Variants in CTCF observed in about 807,000 individuals in gnomAD.
CTCF encodes the protein CCCTC-binding factor, also known as transcriptional repressor CTCF.
In CTCF, 7 loss-of-function variants were observed where a neutral mutation model predicts 72.3. That is an observed-to-expected ratio of 0.10 (90% CI 0.06 to 0.18). The LOEUF (loss-of-function observed/expected upper bound fraction) is 0.18, where lower values mean the gene tolerates loss of function less well. CTCF is among the 10% of genes least tolerant of loss of function. CTCF has a pLI of 1.00. For synonymous variants in CTCF, 374 were observed against 315.8 expected, an observed-to-expected ratio of 1.18 and a Z score of -1.95; for missense variants, 516 against 949.1, an observed-to-expected ratio of 0.54 and a Z score of 6.00.
intron 2 of CTCF, among the ~76,000 whole-genome samples, chr16:67,599,193 G>A (rs770110297): frequency 1.4e-4 from 21 of 152,246 alleles, no homozygotes; most frequent in Admixed American, 3.9e-4. Context: ...TCAGGAGATC[G>A]AGACCATCCT....
chr16:67,619,298 T>C (rs550130030), intron 5 of CTCF, among the ~76,000 whole-genome samples: 3 of 152,200 alleles, frequency 2.0e-5, no homozygotes, highest in East Asian at 3.9e-4. Flanking sequence ...TAGCCAGGCC[T>C]GGTGGCGTGC....
chr16:67,602,056 G>C (rs1431890812), intron 2 of CTCF, among the ~76,000 whole-genome samples: 2 of 152,006 alleles, frequency 1.3e-5, no homozygotes, highest in Non-Finnish European at 2.9e-5. Flanking sequence ...TAGAGATGGG[G>C]TTTCACCATG....
chr16:67,608,268 G>T (rs907814177), intron 2 of CTCF, among the ~76,000 whole-genome samples: 2 of 151,448 alleles, frequency 1.3e-5, no homozygotes, highest in Non-Finnish European at 2.9e-5. Context: ...AGCTTGCAGT[G>T]AGCGGAGATC....
intron 2 of CTCF, among the ~76,000 whole-genome samples, chr16:67,604,688 C>G (rs1430996722): frequency 6.7e-6 from 1 of 150,024 alleles, no homozygotes; most frequent in Non-Finnish European, 1.5e-5. Flanking sequence ...TTTGGACATA[C>G]CAGGTTAAGT....
chr16:67,618,729 T>C (rs2052164616), intron 5 of CTCF, among the ~76,000 whole-genome samples: 1 of 152,034 alleles, frequency 6.6e-6, no homozygotes, highest in East Asian at 1.9e-4. Context: ...ACGTCAATAG[T>C]GATAGGAAGG....
chr16:67,578,621 A>T (rs949351973), intron 2 of CTCF, among the ~76,000 whole-genome samples: 1 of 151,498 alleles, frequency 6.6e-6, no homozygotes, highest in South Asian at 2.1e-4. Flanking sequence ...GCATGAGCCA[A>T]TGTGCCTGGC....
In CTCF at chr16:67,631,154, G is replaced by GTTTTTTTTTTTTTT. The variant is rs766362012; in HGVS notation, c.1837+1631_1837+1632insTTTTTTTTTTTTTT. 5.6e-4 allele frequency among the ~76,000 whole-genome samples: 70 copies of GTTTTTTTTTTTTTT among 125,006 alleles called. 5 individuals are homozygous for GTTTTTTTTTTTTTT. Among genetic ancestry groups the GTTTTTTTTTTTTTT allele is most frequent in the African/African-American group, 1.6e-3 (47 of 29,788 alleles). 82.0% of individuals were successfully genotyped at this position (125,006 alleles called of 152,430 possible). ...ATTGGGCTTTTTTTGTTCTTTGTTT[G>GTTTTTTTTTTTTTT]TTTTTTTTTTGTTTTTTGTTTTTTT... On this transcript the variant is annotated intron_variant, in intron 10 of 11. Coordinates refer to ENST00000264010, the MANE Select transcript of CTCF (RefSeq NM_006565.4).
intron 2 of CTCF, among the ~76,000 whole-genome samples, chr16:67,589,837 G>A (rs910127849): frequency 4.6e-5 from 7 of 152,062 alleles, no homozygotes; most frequent in East Asian, 1.9e-4. Flanking sequence ...CTGTAATACC[G>A]GCATTTGGGG....
rs991471293 is a variant in CTCF, at chr16:67,611,066, G to A, written c.234G>A (p.Met78Ile). The part of the protein sequence containing the change: ...PTLLQMKTEV[M>I]EGTVAPEAEA... Reference sequence around the variant, plus strand: ...TTCTTCAGATGAAGACTGAAGTAATGGAGGGCACAGTGGCTCCAGAAGCAG... The same window carrying A: ...TTCTTCAGATGAAGACTGAAGTAATAGAGGGCACAGTGGCTCCAGAAGCAG... The change falls in exon 3 of 12, where the codon ATG (methionine) becomes ATA (isoleucine). Residue 78 changes from methionine (M) to isoleucine (I), a missense_variant. By Grantham distance (10) the Met-to-Ile change is conservative. Around this residue, in one of 7 missense-constraint regions of CTCF, gnomAD observed 148 missense variants for 194.9 expected, o/e 0.76. Transcript: ENST00000264010. 1 of 1,614,156 alleles carries A rather than the reference G, an allele frequency of 6.2e-7. No individual in the cohort carries two copies. Among genetic ancestry groups the A allele is most frequent in the Non-Finnish European group, 8.5e-7 (1 of 1,180,036 alleles).
rs541110495 is a variant in CTCF at position 67,633,207 on chromosome 16, CTA to C, written c.1838-3480_1838-3479del. 4.2e-3 allele frequency among the ~76,000 whole-genome samples: 640 copies of C among 152,244 alleles called. 3 individuals carry two copies. Among genetic ancestry groups the C allele is most frequent in the African/African-American group, 0.015 (626 of 41,524 alleles). ...AAGTAAAAGCTGTGTTTGTGGTAGA[CTA>C]TAGGTTACGGAGCAGGATTAAATGA... On this transcript the variant is annotated intron_variant, in intron 10 of 11. Coordinates refer to ENST00000264010, the MANE Select transcript of CTCF (RefSeq NM_006565.4).
At chr16:67,614,941 C>T (rs2052112423) in intron 4 of CTCF, 1 of 151,698 alleles carries the variant, frequency 6.6e-6, no homozygotes, top group African/African-American at 2.4e-5. Flanking sequence ...TCGAGACCAT[C>T]CTGGCCAACA....
intron 2 of CTCF, among the ~76,000 whole-genome samples, chr16:67,576,867 A>G (rs1469057014): frequency 2.0e-5 from 3 of 152,184 alleles, no homozygotes; most frequent in Non-Finnish European, 4.4e-5. Context: ...TGTATAAAAA[A>G]TATGTTGAAA....
intron 7 of CTCF, 130 bp downstream of exon 7, chr16:67,621,721 A>T: frequency 4.4e-6 from 2 of 449,670 alleles, no homozygotes; most frequent in African/African-American, 2.1e-5. Context: ...CCTGTCACTT[A>T]GTTTAGTAAA....
At chr16:67,635,089 T>G (rs2052412416) in intron 10 of CTCF, among the ~76,000 whole-genome samples, 1 of 151,774 alleles carries the variant, frequency 6.6e-6, no homozygotes, top group South Asian at 2.1e-4. Flanking sequence ...TGGCGCAATC[T>G]TGGCTCACTG....
chr16:67,565,499 C>A (rs576168552), intron 1 of CTCF, among the ~76,000 whole-genome samples: 1 of 151,694 alleles, frequency 6.6e-6, no homozygotes, highest in Non-Finnish European at 1.5e-5. Context: ...ACAGTGAAAC[C>A]CTGTCTCTAC....
intron 2 of CTCF, among the ~76,000 whole-genome samples, chr16:67,599,396 A>G (rs1429813701): frequency 2.0e-5 from 3 of 152,108 alleles, no homozygotes; most frequent in South Asian, 4.1e-4. Flanking sequence ...ATCTGTCTCA[A>G]AGAAAAATAA....
chr16:67,631,172 G>T (rs28729130), intron 10 of CTCF, among the ~76,000 whole-genome samples: 16,744 of 116,964 alleles, frequency 0.14, 1,403 homozygotes, highest in African/African-American at 0.29. Context: ...TTTGTTTTTT[G>T]TTTTTTTTTT....
intron 7 of CTCF, among the ~76,000 whole-genome samples, chr16:67,624,674 C>T (rs1310646014): frequency 6.6e-6 from 1 of 151,906 alleles, no homozygotes; most frequent in African/African-American, 2.4e-5. Context: ...CTCACTGCAG[C>T]ATCGACCAGG....
chr16:67,594,328 G>A (rs1429063217), intron 2 of CTCF, among the ~76,000 whole-genome samples: 2 of 151,196 alleles, frequency 1.3e-5, no homozygotes, highest in Non-Finnish European at 2.9e-5. Flanking sequence ...AGGCTGTAGT[G>A]AGCCTTGATT....
Sources: gnomAD v4.1 joint callset for allele counts (sites outside exome capture counted in the v4.1 genomes callset) on GRCh38, gnomAD v4.1.1 for gene constraint, gnomAD v4.1.1 regional missense constraint, MANE v1.5 for transcripts, NCBI Gene and HGNC (gene_info 2026-07-23, HGNC 2026-07-21) for gene names.